The following UTRN variants were observed in gnomAD, a reference collection of about 807,000 sequenced individuals.
The protein encoded by UTRN is dystrophin-related protein 1.
UTRN carries 283 observed loss-of-function variants against 463.9 expected under a neutral mutation model. That is an observed-to-expected ratio of 0.61 (90% confidence interval 0.55 to 0.67). UTRN has a LOEUF of 0.67. UTRN is among the 30% of genes least tolerant of loss of function. The probability of loss-of-function intolerance (pLI) is 0.00; values close to 1 mark genes in which losing one functional copy is unlikely to be tolerated. For synonymous variants in UTRN, 1,442 were observed against 1,431.5 expected (o/e 1.01, Z -0.17); for missense variants, 3,922 against 4,084.3 (o/e 0.96, Z 1.08).
intron 3 of UTRN, 62 bp from the exon 4 acceptor site, chr6:144,421,816 G>T: frequency 7.5e-7 from 1 of 1,334,898 alleles, no homozygotes; most frequent in South Asian, 1.4e-5. Context: ...TATTTGCCCA[G>T]GTATATATGG....
chr6:144,727,268 T>C (rs1164591509), intron 53 of UTRN, among the ~76,000 whole-genome samples: 1 of 152,256 alleles, frequency 6.6e-6, no homozygotes, highest in African/African-American at 2.4e-5. Context: ...CTATTGGTGT[T>C]TTCTGGTTGA....
chr6:144,775,382 A>G (rs1586514092), intron 60 of UTRN, among the ~76,000 whole-genome samples: 1 of 152,282 alleles, frequency 6.6e-6, no homozygotes, highest in South Asian at 2.1e-4. Context: ...GCTGAAAGAC[A>G]CCTCCAGATG....
At chr6:144,559,776 A>T (rs1562573619) in intron 50 of UTRN, among the ~76,000 whole-genome samples, 1 of 152,120 alleles carries the variant, frequency 6.6e-6, no homozygotes. Context: ...TAAAAAGAAT[A>T]CATTTTTTCA....
chr6:144,700,172 G>T lies in UTRN; in HGVS notation c.7738G>T (p.Glu2580Ter). The T allele has an allele frequency of 6.2e-7, 1 of 1,613,656 alleles. No homozygotes were observed. Among genetic ancestry groups the T allele is most frequent in the South Asian group, 1.1e-5 (1 of 91,060 alleles). The change falls in exon 53 of 75, where the codon GAA becomes TAA. Residue 2580 changes from glutamate to a stop codon, truncating the protein, a stop_gained. Transcript: ENST00000367545. LOFTEE classifies it high-confidence loss of function. ...ELIKWLNMKD[E>*]ELKKQMPIGG... ...GATCAAATGGCTGAATATGAAAGAT[G>T]AAGAGCTTAAGAAACAAATGCCTAT... is the stretch of plus-strand genomic sequence containing the variant.
chr6:144,567,984 G>T (rs1466372334), intron 50 of UTRN, among the ~76,000 whole-genome samples: 2 of 151,966 alleles, frequency 1.3e-5, no homozygotes, highest in Non-Finnish European at 2.9e-5. Context: ...ATTTTAAAAA[G>T]GCAAGTATGT....
rs1459559535 is a variant in UTRN, at chr6:144,840,801, G to A, written c.10239G>A (p.Glu3413=). The part of the protein sequence containing the change: ...DTSTDLTEVM[E]QIHSTFPSCC... ...GCACGGATCTCACGGAGGTCATGGA[G>A]CAGATTCACAGCACGTTTCCATCTT... The change falls in exon 73 of 75, where the codon GAG becomes GAA. Residue 3413 remains glutamate (E), a synonymous_variant. Transcript: ENST00000367545. 1.2e-6 allele frequency: 2 copies of A among 1,614,038 alleles called. No homozygotes were observed.
At chr6:144,657,622 G>A (rs897892385) in intron 51 of UTRN, among the ~76,000 whole-genome samples, 1 of 152,154 alleles carries the variant, frequency 6.6e-6, no homozygotes, top group Non-Finnish European at 1.5e-5. Flanking sequence ...AGATATGTGG[G>A]ACTCTAACAA....
intron 23 of UTRN, among the ~76,000 whole-genome samples, chr6:144,463,365 C>T (rs990840200): frequency 1.3e-5 from 2 of 152,162 alleles, no homozygotes; most frequent in African/African-American, 4.8e-5. Context: ...TCCTTCACTA[C>T]ACCTGAAAAT....
At chr6:144,698,170 G>C (rs1301281696) in intron 52 of UTRN, among the ~76,000 whole-genome samples, 1 of 152,116 alleles carries the variant, frequency 6.6e-6, no homozygotes, top group African/African-American at 2.4e-5. Flanking sequence ...ATTTAGTTCT[G>C]CTCTGTGACA....
chr6:144,403,571 C>G (rs1282520915), intron 3 of UTRN, among the ~76,000 whole-genome samples: 3 of 152,210 alleles, frequency 2.0e-5, no homozygotes, highest in Non-Finnish European at 2.9e-5. Context: ...GGCAGTCTTT[C>G]TACCCTGTCA....
In UTRN at chr6:144,462,973, C is replaced by T. The variant is rs115773185; in HGVS notation, c.3066+107C>T. On this transcript the variant is annotated intron_variant, in intron 23 of 74. Transcript: ENST00000367545. ...TAAATATTTTACATTCTTTCTAGAT[C>T]CCCATTTATTATGTATTTAAGTTGG... The T allele has an allele frequency of 8.0e-3, 7,613 of 950,630 alleles. 372 individuals are homozygous for T. In the African/African-American group the frequency reaches 0.11, roughly 14 times the overall value. The allele number at this position is 950,630 out of a possible 1,614,324, so 58.9% of individuals were successfully genotyped here.
chr6:144,387,716 T>A (rs571883519), intron 2 of UTRN, among the ~76,000 whole-genome samples: 1 of 152,296 alleles, frequency 6.6e-6, no homozygotes, highest in Admixed American at 6.5e-5. Context: ...TTTAGAAATA[T>A]GTGGGCTTTA....
chr6:144,803,234 C>G, intron 65 of UTRN, 87 bp downstream of exon 65: 1 of 836,262 alleles, frequency 1.2e-6, no homozygotes, highest in Admixed American at 4.1e-5. Flanking sequence ...TAGACTTAAT[C>G]TTTTTTGAAA....
At position 144,487,544 on chromosome 6, in the gene UTRN, C is replaced by T; in HGVS notation, c.3823-4C>T. 1 of 1,589,472 alleles carries T rather than the reference C, an allele frequency of 6.3e-7. No individual in the cohort carries two copies. The highest frequency in any genetic ancestry group is 1.1e-5 in the South Asian group (1 of 87,206). ...ATTATTTTTTTTTCCCATCTCCATT[C>T]CAGTCTCTGGAATCTGTTCTGCGCC... On this transcript the variant is annotated splice_region_variant and splice_polypyrimidine_tract_variant and intron_variant, in intron 28 of 74. Transcript: ENST00000367545.
chr6:144,672,061 AGT>A (rs1781098524), intron 51 of UTRN, among the ~76,000 whole-genome samples: 1 of 152,072 alleles, frequency 6.6e-6, no homozygotes, highest in Non-Finnish European at 1.5e-5. Flanking sequence ...TCAGTTAGCT[AGT>A]ATGTTTTTGA....
chr6:144,550,506 G>C (rs758812353), intron 47 of UTRN, among the ~76,000 whole-genome samples: 1 of 152,102 alleles, frequency 6.6e-6, no homozygotes, highest in South Asian at 2.1e-4. Flanking sequence ...TTAATTTATA[G>C]TTATTCCTCT....
intron 2 of UTRN, among the ~76,000 whole-genome samples, chr6:144,354,845 C>T (rs1264696918): frequency 6.6e-6 from 1 of 152,088 alleles, no homozygotes; most frequent in Non-Finnish European, 1.5e-5. Flanking sequence ...TGTTACCCAT[C>T]AGTGTTTTTG....
At chr6:144,336,569 A>G (rs986982196) in intron 2 of UTRN, among the ~76,000 whole-genome samples, 1 of 152,144 alleles carries the variant, frequency 6.6e-6, no homozygotes, top group Non-Finnish European at 1.5e-5. Context: ...TCTAGAGCTC[A>G]CTAGAAACTA....
chr6:144,321,564 G>T (rs1470221417), intron 2 of UTRN, among the ~76,000 whole-genome samples: 1 of 150,298 alleles, frequency 6.7e-6, no homozygotes, highest in Non-Finnish European at 1.5e-5. Context: ...CTCCCTCCCG[G>T]GTTCAAGCGA....
Sources: allele counts gnomAD v4.1 joint callset (sites outside exome capture counted in the v4.1 genomes callset), GRCh38; gene constraint gnomAD v4.1.1; transcripts MANE v1.5; gene names NCBI Gene and HGNC (gene_info 2026-07-23, HGNC 2026-07-21).